UBE2E2: variants seen among roughly 807,000 people sequenced by gnomAD.
The protein encoded by UBE2E2 is ubiquitin conjugating enzyme E2 E2, also known as ubiquitin-conjugating enzyme E2 E2.
UBE2E2 carries 6 observed loss-of-function variants against 24.7 expected under a neutral mutation model. That is an observed-to-expected ratio of 0.24 (90% CI 0.13 to 0.48). The LOEUF (loss-of-function observed/expected upper bound fraction) is 0.48. UBE2E2 is among the 20% of genes least tolerant of loss of function. UBE2E2 has a pLI of 0.99. For synonymous variants in UBE2E2, 104 were observed against 83.6 expected (o/e 1.24, Z -1.33); for missense variants, 169 against 245.0 (o/e 0.69, Z 2.07).
intron 3 of UBE2E2, among the ~76,000 whole-genome samples, chr3:23,375,312 A>C (rs1388924398): frequency 6.6e-6 from 1 of 152,210 alleles, no homozygotes; most frequent in Non-Finnish European, 1.5e-5. Context: ...CAAGAGATTG[A>C]TTTATAAACT....
chr3:23,545,127 G>A (rs989649067), intron 5 of UBE2E2, among the ~76,000 whole-genome samples: 2 of 152,020 alleles, frequency 1.3e-5, no homozygotes, highest in African/African-American at 4.8e-5. Context: ...CCCAGGGACG[G>A]GCAGGAGACA....
chr3:23,567,580 C>T (rs1314205437), intron 5 of UBE2E2, among the ~76,000 whole-genome samples: 2 of 152,142 alleles, frequency 1.3e-5, no homozygotes, highest in African/African-American at 4.8e-5. Context: ...GTATATTAAA[C>T]CCCAAAAAGT....
At chr3:23,530,959 T>C (rs1446335361) in intron 4 of UBE2E2, among the ~76,000 whole-genome samples, 1 of 152,188 alleles carries the variant, frequency 6.6e-6, no homozygotes, top group East Asian at 1.9e-4. Flanking sequence ...GGAATTCCCC[T>C]TACAGATTTT....
intron 3 of UBE2E2, among the ~76,000 whole-genome samples, chr3:23,339,591 T>C (rs1462097447): frequency 6.6e-6 from 1 of 151,910 alleles, no homozygotes; most frequent in Non-Finnish European, 1.5e-5. Context: ...TAGTTAAATG[T>C]TTTCTTTAAT....
chr3:23,257,501 C>T (rs1395140510), intron 3 of UBE2E2, among the ~76,000 whole-genome samples: 1 of 86,160 alleles, frequency 1.2e-5, no homozygotes, highest in South Asian at 4.5e-4. Flanking sequence ...TTTCTTCTGG[C>T]TGTTTCCCGT....
At chr3:23,304,157 A>G (rs1479984401) in intron 3 of UBE2E2, among the ~76,000 whole-genome samples, 1 of 152,224 alleles carries the variant, frequency 6.6e-6, no homozygotes, top group African/African-American at 2.4e-5. Context: ...GATTAAAACT[A>G]ACCTTAGCAG....
intron 3 of UBE2E2, among the ~76,000 whole-genome samples, chr3:23,405,707 G>A (rs1431671937): frequency 6.6e-6 from 1 of 152,124 alleles, no homozygotes; most frequent in African/African-American, 2.4e-5. Context: ...GTTCTAGTGA[G>A]ATGGCAAGTT....
intron 3 of UBE2E2, among the ~76,000 whole-genome samples, chr3:23,492,864 C>T (rs1262461429): frequency 6.6e-6 from 1 of 151,552 alleles, no homozygotes; most frequent in Non-Finnish European, 1.5e-5. Flanking sequence ...TCCTAGTAGC[C>T]ACATTAAAAA....
chr3:23,261,194 C>CT (rs1243112614), intron 3 of UBE2E2, among the ~76,000 whole-genome samples: 1 of 148,962 alleles, frequency 6.7e-6, no homozygotes, highest in African/African-American at 2.5e-5. Flanking sequence ...TTTTTTAAAG[C>CT]TTAGGAATTA....
chr3:23,317,165 C>T lies in UBE2E2; in HGVS notation c.227+99853C>T, dbSNP rs772634134. ...AAATGTGCTGGCTCTGAGCCCAGCACGGCACTAGGACTTGCCTAGGAATTG... is the reference window on the plus strand; with the variant it reads ...AAATGTGCTGGCTCTGAGCCCAGCATGGCACTAGGACTTGCCTAGGAATTG... On this transcript the variant is annotated intron_variant, in intron 3 of 5. Transcript: ENST00000396703. 2.0e-5 allele frequency among the ~76,000 whole-genome samples: 3 copies of T among 152,258 alleles called. No homozygotes were observed. In the South Asian group the frequency reaches 6.2e-4, roughly 32 times the overall value.
chr3:23,205,400 T>C (rs1002327369), intron 1 of UBE2E2, among the ~76,000 whole-genome samples: 3 of 152,186 alleles, frequency 2.0e-5, no homozygotes, highest in East Asian at 1.9e-4. Flanking sequence ...GGAATTTTTA[T>C]TCATTTGTAC....
intron 3 of UBE2E2, among the ~76,000 whole-genome samples, chr3:23,359,294 TG>T (rs1451641036): frequency 6.6e-6 from 1 of 152,198 alleles, no homozygotes; most frequent in Non-Finnish European, 1.5e-5. Flanking sequence ...TTGAGAAATA[TG>T]GTTCTGGCAG....
intron 3 of UBE2E2, among the ~76,000 whole-genome samples, chr3:23,488,927 A>G (rs1332462401): frequency 6.6e-6 from 1 of 152,194 alleles, no homozygotes; most frequent in Non-Finnish European, 1.5e-5. Flanking sequence ...CATATTTGAA[A>G]CATGCCCAGG....
At position 23,589,131 on chromosome 3, in the gene UBE2E2, C is replaced by G. The variant is rs1301786136; in HGVS notation, c.509-603C>G. Among the ~76,000 whole-genome samples, 1 of 152,058 alleles carries G rather than the reference C, an allele frequency of 6.6e-6. No individual in the cohort carries two copies. Among genetic ancestry groups the G allele is most frequent in the African/African-American group, 2.4e-5 (1 of 41,386 alleles). On this transcript the variant is annotated intron_variant, in intron 5 of 5. Transcript: ENST00000396703. This position sits in a 1 kb window ranked among gnomAD's most constrained non-coding sequence, Gnocchi z 4.1. ...CACCTGCATTTTCTCCGTGAAATAT[C>G]TACTTGAAGACAGGCATCTCACACC... is the stretch of plus-strand genomic sequence containing the variant.
At chr3:23,560,858 C>A (rs1031910781) in intron 5 of UBE2E2, among the ~76,000 whole-genome samples, 27 of 152,164 alleles carry the variant, frequency 1.8e-4, no homozygotes, top group Middle Eastern at 3.4e-3. Context: ...TGGCTGCATA[C>A]ATGTCTTCTT....
intron 3 of UBE2E2, among the ~76,000 whole-genome samples, chr3:23,248,179 TCA>T (rs1173434851): frequency 6.6e-6 from 1 of 152,254 alleles, no homozygotes; most frequent in East Asian, 1.9e-4. Context: ...TACTTCAGCT[TCA>T]CACATTTCTG....
chr3:23,501,679 C>G (rs1699723316), intron 4 of UBE2E2, among the ~76,000 whole-genome samples: 1 of 152,010 alleles, frequency 6.6e-6, no homozygotes, highest in Non-Finnish European at 1.5e-5. Context: ...TTGGATGGGA[C>G]AAAAATAGAA....
rs571954351 is a variant in UBE2E2, at chr3:23,515,290, C to T, written c.360+15550C>T. On this transcript the variant is annotated intron_variant, in intron 4 of 5. Coordinates refer to ENST00000396703, the MANE Select transcript of UBE2E2 (RefSeq NM_152653.4). ...TAATAAGTTGAAAAACAATGAAAAG[C>T]AAAGTGAAATAGGAGATATTTCCTC... is the stretch of plus-strand genomic sequence containing the variant. Among the ~76,000 whole-genome samples the T allele has an allele frequency of 8.0e-4, 122 of 152,024 alleles. 4 individuals are homozygous for T. In the South Asian group the frequency reaches 0.024, roughly 30 times the overall value.
At chr3:23,295,139 G>A (rs1050070857) in intron 3 of UBE2E2, among the ~76,000 whole-genome samples, 1 of 152,162 alleles carries the variant, frequency 6.6e-6, no homozygotes, top group African/African-American at 2.4e-5. Context: ...GGAATGGATA[G>A]TATAGATCAG....
Sources: gnomAD v4.1 joint callset for allele counts (sites outside exome capture counted in the v4.1 genomes callset) on GRCh38, gnomAD v4.1.1 for gene constraint, Gnocchi (gnomAD v3.1) non-coding constraint, MANE v1.5 for transcripts, NCBI Gene and HGNC (gene_info 2026-07-23, HGNC 2026-07-21) for gene names.